MLLT10: variants seen among roughly 807,000 people sequenced by gnomAD.
MLLT10 encodes MLLT10 histone lysine methyltransferase DOT1L cofactor, also known as protein AF-10.
A neutral mutation model predicts 129.1 loss-of-function variants in MLLT10; 30 were observed. The observed-to-expected ratio is 0.23, with a 90% CI of 0.17 to 0.32. MLLT10 has a LOEUF of 0.32. Ranked by LOEUF, MLLT10 falls within the 10% of genes least tolerant of loss-of-function variation. MLLT10 has a pLI of 1.00. For synonymous variants in MLLT10, 490 were observed against 446.4 expected, an observed-to-expected ratio of 1.10 and a Z score of -1.23; for missense variants, 1,119 against 1,268.3, an observed-to-expected ratio of 0.88 and a Z score of 1.79.
intron 11 of MLLT10, 91 bp from the exon 12 acceptor site, chr10:21,681,241 A>G: frequency 5.4e-4 from 651 of 1,202,840 alleles, no homozygotes; most frequent in Non-Finnish European, 7.1e-4. Context: ...TTTTAGGTGA[A>G]TTTCCCTCCA....
chr10:21,651,033 G>GGTTGT (rs1171797539), intron 8 of MLLT10, among the ~76,000 whole-genome samples: 42 of 133,182 alleles, frequency 3.2e-4, no homozygotes, highest in African/African-American at 1.0e-3. Context: ...AGTATTTGGT[G>GGTTGT]GTTGTGTTGT....
At chr10:21,721,267 C>A (rs1419316936) in intron 14 of MLLT10, among the ~76,000 whole-genome samples, 1 of 152,090 alleles carries the variant, frequency 6.6e-6, no homozygotes, top group Non-Finnish European at 1.5e-5. Flanking sequence ...TCAGATCTAT[C>A]TCTAGATGAT....
At chr10:21,626,372 C>A (rs2131250542) in intron 8 of MLLT10, 1 of 640,446 alleles carries the variant, frequency 1.6e-6, no homozygotes, top group Non-Finnish European at 2.8e-6. Flanking sequence ...ACGCGTGCCA[C>A]CCCCCAAGTC....
intron 21 of MLLT10, among the ~76,000 whole-genome samples, chr10:21,736,137 G>C (rs2058345407): frequency 6.6e-6 from 1 of 152,148 alleles, no homozygotes; most frequent in African/African-American, 2.4e-5. Flanking sequence ...GATTAGTTTT[G>C]CTGCTATATG....
In MLLT10 at chr10:21,740,008, T is replaced by C. The variant is rs1450057891; in HGVS notation, c.2956-22T>C. 7 of 1,563,526 alleles carry C rather than the reference T, an allele frequency of 4.5e-6. No homozygotes were observed. In the East Asian group the frequency reaches 1.6e-4, roughly 36 times the overall value. On this transcript the variant is annotated intron_variant, in intron 21 of 22. Coordinates refer to ENST00000307729, the MANE Select transcript of MLLT10 (RefSeq NM_001195626.3). ...ATTCCGTGCTTGGGAACTCATTTTC[T>C]CTCACATGTTTTTTGCCTAAGGAAC... is the stretch of plus-strand genomic sequence containing the variant.
At chr10:21,616,536 G>A (rs1039911732) in intron 7 of MLLT10, among the ~76,000 whole-genome samples, 7 of 151,954 alleles carry the variant, frequency 4.6e-5, no homozygotes, top group South Asian at 2.1e-4. Context: ...ATGCTTTTTA[G>A]TAATGCTTTG....
At chr10:21,590,160 C>G (rs116705829) in intron 4 of MLLT10, among the ~76,000 whole-genome samples, 1 of 151,952 alleles carries the variant, frequency 6.6e-6, no homozygotes, top group Admixed American at 6.6e-5. Flanking sequence ...AGGGTCGTCT[C>G]GAACATCTGG....
At chr10:21,584,812 ATACACATACATATGTATG>A (rs1200138456) in intron 3 of MLLT10, among the ~76,000 whole-genome samples, 23 of 151,744 alleles carry the variant, frequency 1.5e-4, no homozygotes, top group Non-Finnish European at 3.2e-4. Context: ...GTGTGTTTAT[ATACACATACATATGTATG>A]TATACATACA....
intron 3 of MLLT10, among the ~76,000 whole-genome samples, chr10:21,578,741 G>T (rs971254555): frequency 9.9e-5 from 15 of 152,146 alleles, no homozygotes; most frequent in Admixed American, 2.6e-4. Flanking sequence ...TACCACTTAT[G>T]GGTAATATTG....
At chr10:21,571,250 T>C (rs1482861584) in intron 3 of MLLT10, among the ~76,000 whole-genome samples, 2 of 152,378 alleles carry the variant, frequency 1.3e-5, no homozygotes, top group Non-Finnish European at 2.9e-5. Flanking sequence ...ATAGCTCCTT[T>C]ACATTGCAAG....
chr10:21,690,574 G>A (rs1444809295), intron 13 of MLLT10, among the ~76,000 whole-genome samples: 3 of 151,970 alleles, frequency 2.0e-5, no homozygotes, highest in African/African-American at 7.2e-5. Flanking sequence ...TTATGCATCT[G>A]AGCGAGTTAT....
At chr10:21,723,212 CCTTT>C (rs1564721998) in intron 14 of MLLT10, among the ~76,000 whole-genome samples, 3 of 151,922 alleles carry the variant, frequency 2.0e-5, no homozygotes, top group South Asian at 4.2e-4. Context: ...GTGCCATACT[CCTTT>C]CTATTTTGAT....
At chr10:21,543,279 C>T (rs1453244474) in intron 3 of MLLT10, among the ~76,000 whole-genome samples, 1 of 151,998 alleles carries the variant, frequency 6.6e-6, no homozygotes, top group African/African-American at 2.4e-5. Flanking sequence ...CGTCACCATG[C>T]CCGGCTAATT....
At chr10:21,573,415 G>A (rs748816835) in intron 3 of MLLT10, among the ~76,000 whole-genome samples, 3 of 152,120 alleles carry the variant, frequency 2.0e-5, no homozygotes, top group Non-Finnish European at 4.4e-5. Context: ...GCCATGCCAT[G>A]GAGAATACAC....
chr10:21,546,803 C>T (rs1672907314), intron 3 of MLLT10, among the ~76,000 whole-genome samples: 2 of 151,846 alleles, frequency 1.3e-5, no homozygotes, highest in African/African-American at 4.8e-5. Flanking sequence ...TCTTGGCTCA[C>T]CACAACTTCC....
intron 3 of MLLT10, among the ~76,000 whole-genome samples, chr10:21,550,759 T>C (rs908412614): frequency 3.3e-5 from 5 of 152,124 alleles, no homozygotes; most frequent in African/African-American, 1.2e-4. Context: ...CTCAAACTTC[T>C]GACTTCAAGT....
chr10:21,535,079 CG>C (rs925936487), intron 2 of MLLT10, among the ~76,000 whole-genome samples: 1 of 104,614 alleles, frequency 9.6e-6, no homozygotes, highest in African/African-American at 3.6e-5. Context: ...CGGGGCGGGG[CG>C]GGGCAGGGCG....
At position 21,686,344 on chromosome 10, in the gene MLLT10, G is replaced by A. The variant is rs180948745; in HGVS notation, c.1699+4087G>A. On this transcript the variant is annotated intron_variant, in intron 13 of 22. Transcript: ENST00000307729. Reference sequence around the variant, plus strand: ...TTCTGAAATTTCCTGAGACTTTTACGTAATATATCTTTCCTTACTTTTCTG... The same window carrying A: ...TTCTGAAATTTCCTGAGACTTTTACATAATATATCTTTCCTTACTTTTCTG... 2.6e-3 allele frequency among the ~76,000 whole-genome samples: 396 copies of A among 152,108 alleles called. 3 individuals carry two copies. The highest frequency in any genetic ancestry group is 9.0e-3 in the African/African-American group (373 of 41,524).
At chr10:21,648,249 T>C (rs1432687185) in intron 8 of MLLT10, among the ~76,000 whole-genome samples, 2 of 152,232 alleles carry the variant, frequency 1.3e-5, no homozygotes, top group African/African-American at 4.8e-5. Context: ...CATATGGATA[T>C]AAGCCATGCA....
Sources: gnomAD v4.1 joint callset for allele counts (sites outside exome capture counted in the v4.1 genomes callset) on GRCh38, gnomAD v4.1.1 for gene constraint, MANE v1.5 for transcripts, NCBI Gene and HGNC (gene_info 2026-07-23, HGNC 2026-07-21) for gene names.